NFIA: variants seen among roughly 807,000 people sequenced by gnomAD.
NFIA encodes nuclear factor 1 A-type.
A neutral mutation model predicts 62.8 loss-of-function variants in NFIA; 8 were observed. The ratio of observed to expected loss-of-function variants is 0.13; its 90% CI spans 0.07 to 0.23. NFIA has a LOEUF of 0.23. NFIA is among the 10% of genes least tolerant of loss of function. NFIA has a pLI of 1.00. For missense variants in NFIA, 410 were observed against 642.1 expected (o/e 0.64, Z 3.91); for synonymous variants, 235 against 238.1 (o/e 0.99, Z 0.12).
intron 2 of NFIA, among the ~76,000 whole-genome samples, chr1:61,097,181 A>G (rs943902871): frequency 2.0e-5 from 3 of 152,244 alleles, no homozygotes; most frequent in Admixed American, 6.5e-5. Flanking sequence ...CTCATATCCT[A>G]TTGTCAACTG....
At chr1:61,108,330 C>T (rs1211501487) in intron 2 of NFIA, among the ~76,000 whole-genome samples, 1 of 151,336 alleles carries the variant, frequency 6.6e-6, no homozygotes, top group East Asian at 1.9e-4. Context: ...TATTTTTCAC[C>T]AGGTTTTGAA....
intron 2 of NFIA, among the ~76,000 whole-genome samples, chr1:61,121,884 T>C (rs1646893171): frequency 6.6e-6 from 1 of 152,176 alleles, no homozygotes; most frequent in Non-Finnish European, 1.5e-5. Flanking sequence ...GCTCAACTTG[T>C]GTCATTGCAG....
intron 2 of NFIA, among the ~76,000 whole-genome samples, chr1:61,104,780 CTTAAAA>C (rs553645894): frequency 7.9e-5 from 12 of 151,822 alleles, no homozygotes; most frequent in African/African-American, 2.2e-4. Flanking sequence ...AAACTAAGAT[CTTAAAA>C]TTAAAGAGAA....
intron 6 of NFIA, among the ~76,000 whole-genome samples, chr1:61,377,470 A>G (rs1222130577): frequency 6.6e-6 from 1 of 152,146 alleles, no homozygotes; most frequent in South Asian, 2.1e-4. Context: ...AATAACAGTT[A>G]TAAAAATAGG....
At chr1:61,096,560 T>TTTTTTTC (rs1190175243) in intron 2 of NFIA, among the ~76,000 whole-genome samples, 19 of 138,678 alleles carry the variant, frequency 1.4e-4, no homozygotes, top group African/African-American at 4.9e-4. Context: ...TTTTTTTTTT[T>TTTTTTTC]TTTTTTTTTT....
intron 3 of NFIA, among the ~76,000 whole-genome samples, chr1:61,311,127 C>T (rs897575777): frequency 5.3e-5 from 8 of 152,214 alleles, no homozygotes; most frequent in African/African-American, 1.4e-4. Context: ...TGCAGTGGCT[C>T]ACGCCTATAA....
At chr1:61,405,318 A>C (rs1665763412) in intron 8 of NFIA, among the ~76,000 whole-genome samples, 1 of 152,148 alleles carries the variant, frequency 6.6e-6, no homozygotes, top group South Asian at 2.1e-4. Flanking sequence ...TAAAGCATTC[A>C]CTTATGGACT....
intron 5 of NFIA, among the ~76,000 whole-genome samples, chr1:61,355,314 AATAG>A (rs1242539164): frequency 5.9e-5 from 9 of 152,276 alleles, no homozygotes; most frequent in Middle Eastern, 3.4e-3. Context: ...GATTCATTTC[AATAG>A]ATAGATAGGT....
At chr1:61,199,575 G>T (rs1050254038) in intron 2 of NFIA, among the ~76,000 whole-genome samples, 3 of 152,064 alleles carry the variant, frequency 2.0e-5, no homozygotes, top group African/African-American at 7.2e-5. Context: ...ATACTACATT[G>T]CTTCCTTCCT....
chr1:61,281,358 G>T (rs1658122263), intron 3 of NFIA, among the ~76,000 whole-genome samples: 1 of 152,146 alleles, frequency 6.6e-6, no homozygotes, highest in South Asian at 2.1e-4. Context: ...CTCAAAGGAA[G>T]GTTACCATTA....
chr1:61,449,258 G>A (rs1667958941), intron 10 of NFIA, among the ~76,000 whole-genome samples: 1 of 152,242 alleles, frequency 6.6e-6, no homozygotes, highest in African/African-American at 2.4e-5. Flanking sequence ...GCACGAGCAT[G>A]CTAGAAGTCA....
chr1:61,383,719 C>T (rs1030211166), intron 7 of NFIA, among the ~76,000 whole-genome samples: 12 of 152,172 alleles, frequency 7.9e-5, no homozygotes, highest in African/African-American at 1.7e-4. Context: ...CGCACATGCG[C>T]GTGCACACAT....
chr1:61,135,919 C>G (rs1285393969), intron 2 of NFIA, among the ~76,000 whole-genome samples: 2 of 152,026 alleles, frequency 1.3e-5, no homozygotes, highest in Non-Finnish European at 2.9e-5. Context: ...TGTAGTCTCC[C>G]CTACCCCAGC....
At chr1:61,167,034 G>A (rs1016674890) in intron 2 of NFIA, among the ~76,000 whole-genome samples, 2 of 152,128 alleles carry the variant, frequency 1.3e-5, no homozygotes, top group South Asian at 2.1e-4. Flanking sequence ...CCAGCTACTC[G>A]GGAGGCTGAG....
chr1:61,318,469 G>T (rs1036499562), intron 3 of NFIA, among the ~76,000 whole-genome samples: 1 of 152,188 alleles, frequency 6.6e-6, no homozygotes, highest in African/African-American at 2.4e-5. Context: ...AGTCCTTAAA[G>T]TGAATTGAGA....
intron 3 of NFIA, among the ~76,000 whole-genome samples, chr1:61,309,488 C>CA (rs1341709372): frequency 2.6e-4 from 28 of 108,672 alleles, no homozygotes; most frequent in African/African-American, 1.1e-3. Context: ...AAAACAACAA[C>CA]AACAAAAAAA....
chr1:61,329,769 G>A lies in NFIA; in HGVS notation c.626-2743G>A, dbSNP rs79287787. On this transcript the variant is annotated intron_variant, in intron 3 of 10. Transcript: ENST00000403491. Reference sequence around the variant, plus strand: ...ATGCATGGCACATAGTAGGTACTCCGTAGACATTTATTGAATAAATGAGTA... The same window carrying A: ...ATGCATGGCACATAGTAGGTACTCCATAGACATTTATTGAATAAATGAGTA... Among the ~76,000 whole-genome samples the A allele has an allele frequency of 1.8e-3, 281 of 152,288 alleles. 7 individuals carry two copies. The East Asian group carries it at 0.044, about 24-fold the overall frequency.
upstream of NFIA, chr1:61,077,469 C>G (rs1021877598): frequency 7.9e-5 from 44 of 559,470 alleles, no homozygotes; most frequent in Non-Finnish European, 1.1e-5. Context: ...CTCCAAGAAG[C>G]CTGCAATTGG....
Position 61,082,747 on chromosome 1 carries a change from A to C in NFIA, c.-45A>C. 3 of 1,548,500 alleles carry C rather than the reference A, an allele frequency of 1.9e-6. No homozygotes were observed. Among genetic ancestry groups the C allele is most frequent in the Non-Finnish European group, 2.6e-6 (3 of 1,146,078 alleles). Reference sequence around the variant, plus strand: ...TCACCCACACTCACGCACACCTCCAAACCGCACACCCAGACGCACACGCAT... The same window carrying C: ...TCACCCACACTCACGCACACCTCCACACCGCACACCCAGACGCACACGCAT... On this transcript the variant is annotated 5_prime_UTR_variant, in exon 1 of 11. Transcript: ENST00000403491.
Sources: gnomAD v4.1 joint callset for allele counts (sites outside exome capture counted in the v4.1 genomes callset) on GRCh38, gnomAD v4.1.1 for gene constraint, MANE v1.5 for transcripts, NCBI Gene and HGNC (gene_info 2026-07-23, HGNC 2026-07-21) for gene names.